DDB1: variants seen among roughly 807,000 people sequenced by gnomAD.
DDB1 encodes the protein damage specific DNA binding protein 1, also known as DNA damage-binding protein 1.
DDB1 carries 18 observed loss-of-function variants against 133.1 expected under a neutral mutation model. The observed-to-expected ratio is 0.14, with a 90% CI of 0.09 to 0.20. The LOEUF (loss-of-function observed/expected upper bound fraction) is 0.20, where lower values mean the gene tolerates loss of function less well. Among genes scored for constraint, DDB1 ranks in the 10% least tolerant of loss-of-function variants. The pLI, the probability that DDB1 is intolerant of heterozygous loss-of-function variation, is 1.00. For synonymous variants in DDB1, 580 were observed against 550.5 expected (o/e 1.05, Z -0.75); for missense variants, 828 against 1,459.2 (o/e 0.57, Z 7.05).
chr11:61,302,569 G>A lies in DDB1; in HGVS notation c.3112+13C>T, dbSNP rs578248490. 32 of 1,614,098 alleles carry A rather than the reference G, an allele frequency of 2.0e-5. No individual in the cohort carries two copies. In the Admixed American group the frequency reaches 5.0e-4, roughly 25 times the overall value. ...GGCCTGTGTGGGGGTGTGCCCCACA[G>A]GGGTGACCTTACCTATCATGCCGTT... On this transcript the variant is annotated intron_variant, in intron 24 of 26. Coordinates refer to ENST00000301764, the MANE Select transcript of DDB1 (RefSeq NM_001923.5).
At chr11:61,303,778 G>A (rs1179017955) in intron 22 of DDB1, 87 bp downstream of exon 22, 1 of 1,474,000 alleles carries the variant, frequency 6.8e-7, no homozygotes. Context: ...CCCTAATACT[G>A]GGCTGGCTTA....
chr11:61,303,700 CAAAAAAAAAAAAAAA>C (rs59840297), intron 22 of DDB1, among the ~76,000 whole-genome samples, 150 bp downstream of exon 22: 1 of 44,250 alleles, frequency 2.3e-5, no homozygotes, highest in Non-Finnish European at 5.2e-5. Context: ...GACTGCGTCT[CAAAAAAAAAAAAAAA>C]AAAAAAAAAC....
chr11:61,314,530 G>A lies in DDB1; in HGVS notation c.1411-44C>T, dbSNP rs796977238. The A allele has an allele frequency of 4.4e-6, 7 of 1,573,160 alleles. No individual in the cohort carries two copies. The African/African-American group carries it at 8.1e-5, about 18-fold the overall frequency. On this transcript the variant is annotated intron_variant, in intron 12 of 26. Coordinates refer to ENST00000301764, the MANE Select transcript of DDB1 (RefSeq NM_001923.5). ...AACAAATGTCTCCAAGCATCTGCCA[G>A]GGTCCACACAGGAGTGGAAAGGTGG...
Position 61,330,093 on chromosome 11 carries a change from C to A in DDB1, c.211-19G>T. On this transcript the variant is annotated intron_variant, in intron 2 of 26. Transcript: ENST00000301764. The stretch of plus-strand genomic sequence containing the variant: ...TCTCCCCCTGGAAACCAATATTATG[C>A]TATCAAAAGAGGTTCTTTTTAAAAC... The A allele has an allele frequency of 6.3e-7, 1 of 1,593,612 alleles. No individual in the cohort carries two copies.
intron 21 of DDB1, among the ~76,000 whole-genome samples, chr11:61,304,334 C>T (rs1006318702): frequency 1.3e-5 from 2 of 152,024 alleles, no homozygotes; most frequent in Non-Finnish European, 2.9e-5. Flanking sequence ...TGGTGGCGCA[C>T]ACCTGTAATC....
intron 4 of DDB1, among the ~76,000 whole-genome samples, chr11:61,328,699 C>T (rs945798272): frequency 1.1e-4 from 16 of 151,978 alleles, no homozygotes; most frequent in Non-Finnish European, 2.9e-5. Context: ...GGTGAAACCA[C>T]GTCTCTACTA....
At chr11:61,328,806 G>A (rs897258549) in intron 4 of DDB1, among the ~76,000 whole-genome samples, 1 of 152,164 alleles carries the variant, frequency 6.6e-6, no homozygotes, top group South Asian at 2.1e-4. Flanking sequence ...GGAGGCGGAG[G>A]TTGCAGTGAG....
At chr11:61,329,218 TATTA>T (rs1372252130) in intron 4 of DDB1, 141 bp downstream of exon 4, 7 of 749,214 alleles carry the variant, frequency 9.3e-6, no homozygotes, top group Non-Finnish European at 1.4e-5. Context: ...GTCTGACCCA[TATTA>T]ATTGTGTTGT....
In DDB1 at chr11:61,323,094, T is replaced by A; in HGVS notation, c.922A>T (p.Thr308Ser). ...TATGTCAAGCACTCAGCAATAGAGG[T>A]CTGGAAGAAAGTCAGCAACGTGAAA... ...KDLRVELLGETSIAECLTYLD... is the reference protein window; with the variant it reads ...KDLRVELLGESSIAECLTYLD... Residue 308 changes from threonine (T) to serine (S), a missense_variant and splice_region_variant, in exon 8 of 27, where the codon ACC becomes TCC. Around this residue, in one of 7 missense-constraint regions of DDB1, gnomAD observed 35 missense variants for 57.5 expected, o/e 0.61. Coordinates refer to ENST00000301764, the MANE Select transcript of DDB1 (RefSeq NM_001923.5). 1 of 1,613,400 alleles carries A rather than the reference T, an allele frequency of 6.2e-7. No individual in the cohort carries two copies. The highest frequency in any genetic ancestry group is 8.5e-7 in the Non-Finnish European group (1 of 1,179,814).
intron 2 of DDB1, 74 bp downstream of exon 2, chr11:61,331,465 TAAAC>T (rs908077850): frequency 7.2e-5 from 112 of 1,565,488 alleles, no homozygotes; most frequent in Admixed American, 3.8e-4. Context: ...AGAAAATAAA[TAAAC>T]AAACAAAAAT....
intron 4 of DDB1, chr11:61,327,488 T>C (rs1856289509): frequency 6.5e-6 from 1 of 154,020 alleles, no homozygotes; most frequent in Non-Finnish European, 1.4e-5. Context: ...CCTGTGTGTG[T>C]TCCTTAGCCT....
chr11:61,312,076 A>T lies in DDB1; in HGVS notation c.2078T>A (p.Leu693Gln). ...NSDGYPDSLA[L>Q]ANNSTLTIGT... ...AATGGTGAGGGTGCTATTGTTGGCCAGCGCCAGGCTGGAAAGAAGGGTCTG... is the reference window on the plus strand; with the variant it reads ...AATGGTGAGGGTGCTATTGTTGGCCTGCGCCAGGCTGGAAAGAAGGGTCTG... Residue 693 changes from leucine to glutamine, a missense_variant, in exon 17 of 27, where the codon CTG becomes CAG. This residue lies in a region of DDB1 where 396 missense variants were observed against 554.1 expected (regional missense o/e 0.71). Coordinates refer to ENST00000301764, the MANE Select transcript of DDB1 (RefSeq NM_001923.5). 6.2e-7 allele frequency: 1 copy of T among 1,614,242 alleles called. No homozygotes were observed. Among genetic ancestry groups the T allele is most frequent in the Non-Finnish European group, 8.5e-7 (1 of 1,180,044 alleles).
chr11:61,317,895 T>C lies in DDB1; in HGVS notation c.1226-1328A>G, dbSNP rs1007623665. 7.1e-4 allele frequency among the ~76,000 whole-genome samples: 108 copies of C among 152,176 alleles called. 1 individual carries two copies. The highest frequency in any genetic ancestry group is 3.3e-3 in the Admixed American group (50 of 15,268). On this transcript the variant is annotated intron_variant, in intron 10 of 26. Coordinates refer to ENST00000301764, the MANE Select transcript of DDB1 (RefSeq NM_001923.5). Reference sequence around the variant, plus strand: ...AAACAAGTAATCAATAAAGGCATCTTGTTTAGCCTTCTGGTAAAGAGATGG... The same window carrying C: ...AAACAAGTAATCAATAAAGGCATCTCGTTTAGCCTTCTGGTAAAGAGATGG...
At position 61,322,055 on chromosome 11, in the gene DDB1, T is replaced by C. The variant is rs146093433; in HGVS notation, c.1122+241A>G. The C allele has an allele frequency of 6.4e-4, 361 of 560,492 alleles. 4 individuals carry two copies. The highest frequency in any genetic ancestry group is 6.3e-3 in the African/African-American group (340 of 53,590). 34.7% of individuals were successfully genotyped at this position (560,492 alleles called of 1,614,324 possible). A position where few individuals can be genotyped will look rare whatever the true frequency, so the allele number is the denominator to read the frequency against. On this transcript the variant is annotated intron_variant, in intron 9 of 26. Transcript: ENST00000301764. ...CTTTCTCAGCCCTAATTTTCCTCAC[T>C]TCTGAGATGGCCAAATATCCCTATC...
chr11:61,329,602 G>A lies in DDB1; in HGVS notation c.328-18C>T, dbSNP rs779929995. The A allele has an allele frequency of 6.3e-6, 10 of 1,586,742 alleles. No homozygotes were observed. The highest frequency in any genetic ancestry group is 2.3e-5 in the East Asian group (1 of 43,684). On this transcript the variant is annotated intron_variant, in intron 3 of 26. Transcript: ENST00000301764. ...ATGCGGTCCTGAGAAACAAAATCGG[G>A]ATTAGGGAAGAACCTCAACATCCAC... is the stretch of plus-strand genomic sequence containing the variant.
At chr11:61,304,292 G>C (rs1855848373) in intron 21 of DDB1, among the ~76,000 whole-genome samples, 1 of 151,932 alleles carries the variant, frequency 6.6e-6, no homozygotes, top group Non-Finnish European at 1.5e-5. Flanking sequence ...ATGAGTCCAC[G>C]TAAAGGAAAC....
chr11:61,325,936 C>T (rs1400223158), intron 5 of DDB1: 7 of 602,052 alleles, frequency 1.2e-5, no homozygotes, highest in South Asian at 1.9e-5. Context: ...TTCTGGTGTT[C>T]GACTATTCCT....
rs553181699 is a variant in DDB1 at position 61,316,537 on chromosome 11, C to T, written c.1256G>A (p.Arg419His). The T allele has an allele frequency of 2.5e-6, 4 of 1,614,086 alleles. No individual in the cohort carries two copies. Among genetic ancestry groups the T allele is most frequent in the South Asian group, 2.2e-5 (2 of 91,086 alleles). The change falls in exon 11 of 27, where the codon CGT (arginine) becomes CAT (histidine). Residue 419 changes from arginine (R) to histidine (H), a missense_variant. Transcript: ENST00000301764. Reference sequence around the variant, plus strand: ...GAGCACCAAAGTGTCATCAGTCTCACGATTAGGGTCAGACCGCAGTGGCCA... The same window carrying T: ...GAGCACCAAAGTGTCATCAGTCTCATGATTAGGGTCAGACCGCAGTGGCCA... ...GLWPLRSDPNRETDDTLVLSF... is the reference protein window; with the variant it reads ...GLWPLRSDPNHETDDTLVLSF...
intron 9 of DDB1, 30 bp downstream of exon 9, chr11:61,322,266 C>T: frequency 6.4e-7 from 1 of 1,559,822 alleles, no homozygotes; most frequent in Non-Finnish European, 8.8e-7. Flanking sequence ...TGGGCATATA[C>T]CAACTATCCA....
Sources: gnomAD v4.1 joint callset for allele counts (sites outside exome capture counted in the v4.1 genomes callset) on GRCh38, gnomAD v4.1.1 for gene constraint, gnomAD v4.1.1 regional missense constraint, MANE v1.5 for transcripts, NCBI Gene and HGNC (gene_info 2026-07-23, HGNC 2026-07-21) for gene names.